TSPAN16: variants seen among roughly 807,000 people sequenced by gnomAD.
The protein encoded by TSPAN16 is tetraspanin-16.
A neutral mutation model predicts 25.2 loss-of-function variants in TSPAN16; 23 were observed. The ratio of observed to expected loss-of-function variants is 0.91; its 90% confidence interval spans 0.66 to 1.29. The LOEUF is 1.29. Among genes scored for constraint, TSPAN16 ranks in the 50% most tolerant of loss-of-function variants. The pLI is 0.00. For missense variants in TSPAN16, 272 were observed against 299.9 expected, an observed-to-expected ratio of 0.91 and a Z score of 0.69; for synonymous variants, 123 against 124.4, an observed-to-expected ratio of 0.99 and a Z score of 0.08.
chr19:11,324,757 G>A (rs951162732), intron 6 of TSPAN16: 1 of 152,698 alleles, frequency 6.5e-6, no homozygotes, highest in African/African-American at 2.4e-5. Context: ...CTGAAGCCGG[G>A]GGGTTGAGGG....
At chr19:11,299,314 G>A (rs76176514) in intron 3 of TSPAN16, among the ~76,000 whole-genome samples, 2,170 of 151,346 alleles carry the variant, frequency 0.014, 50 homozygotes, top group African/African-American at 0.049. Context: ...ATAGAAGTCC[G>A]CCCCTCCCCG....
intron 6 of TSPAN16, among the ~76,000 whole-genome samples, chr19:11,320,990 G>A (rs770965450): frequency 1.9e-4 from 29 of 152,168 alleles, no homozygotes; most frequent in Non-Finnish European, 3.1e-4. Context: ...CCAACGTGGT[G>A]AAACCCCGTC....
intron 4 of TSPAN16, among the ~76,000 whole-genome samples, chr19:11,304,433 C>T (rs2080603569): frequency 6.6e-6 from 1 of 151,668 alleles, no homozygotes; most frequent in African/African-American, 2.4e-5. Context: ...GGCACAACTT[C>T]CCAAGCTCAG....
downstream of TSPAN16, among the ~76,000 whole-genome samples, chr19:11,320,122 C>CTTTTTTTTTTTTTTTTT (rs373015307): frequency 8.4e-5 from 9 of 106,834 alleles, no homozygotes; most frequent in Non-Finnish European, 1.1e-4. Flanking sequence ...CCGGCCAGGA[C>CTTTTTTTTTTTTTTTTT]TTTTTTTTTT....
chr19:11,306,525 G>A (rs1189929467), intron 4 of TSPAN16, 79 bp from the exon 5 acceptor site: 11 of 1,549,202 alleles, frequency 7.1e-6, no homozygotes, highest in African/African-American at 6.8e-5. Flanking sequence ...CATACTAGAC[G>A]GTAGCCATGG....
chr19:11,305,621 C>A (rs553042366), intron 4 of TSPAN16, among the ~76,000 whole-genome samples: 3 of 152,206 alleles, frequency 2.0e-5, no homozygotes, highest in African/African-American at 4.8e-5. Flanking sequence ...AATCCTAGCA[C>A]TTTGGGAGGC....
intron 5 of TSPAN16, among the ~76,000 whole-genome samples, chr19:11,311,026 G>A (rs1005744916): frequency 2.0e-5 from 3 of 151,948 alleles, no homozygotes; most frequent in Non-Finnish European, 2.9e-5. Context: ...TTGTAGAGAC[G>A]GGGTTTCGCT....
chr19:11,316,118 G>GTGTGTGTGGA, downstream of TSPAN16: 1 of 106,066 alleles, frequency 9.4e-6, no homozygotes, highest in Non-Finnish European at 1.5e-5. Context: ...TGTGTGTGTG[G>GTGTGTGTGGA]TTTTTTTTTT....
intron 4 of TSPAN16, among the ~76,000 whole-genome samples, chr19:11,305,521 CTG>C (rs747502490): frequency 4.6e-4 from 70 of 150,862 alleles, no homozygotes; most frequent in Non-Finnish European, 8.7e-4. Context: ...CAGACAGAGA[CTG>C]TGTCTCAAAA....
chr19:11,325,301 G>A (rs886898714), intron 6 of TSPAN16: 5 of 753,862 alleles, frequency 6.6e-6, no homozygotes, highest in African/African-American at 1.8e-5. Flanking sequence ...GGAGGGAAGG[G>A]ATTGCCCTGA....
intron 5 of TSPAN16, among the ~76,000 whole-genome samples, chr19:11,310,137 C>G (rs771826059): frequency 1.3e-4 from 20 of 151,718 alleles, no homozygotes; most frequent in Admixed American, 2.6e-4. Context: ...AAAGGGGGCA[C>G]GGAACAGTGA....
chr19:11,310,056 G>A (rs2080673095), intron 5 of TSPAN16, among the ~76,000 whole-genome samples: 1 of 151,926 alleles, frequency 6.6e-6, no homozygotes, highest in Admixed American at 6.6e-5. Flanking sequence ...AGTGAGCTAT[G>A]GTCATGCCAC....
chr19:11,316,359 A>C (rs2080749639), downstream of TSPAN16, among the ~76,000 whole-genome samples: 1 of 151,994 alleles, frequency 6.6e-6, no homozygotes, highest in Non-Finnish European at 1.5e-5. Context: ...AGTTCAGGTG[A>C]TCCACCTGCC....
chr19:11,298,891 T>C lies in TSPAN16; in HGVS notation c.287T>C (p.Ile96Thr). The C allele has an allele frequency of 6.2e-7, 1 of 1,614,136 alleles. No homozygotes were observed. The highest frequency in any genetic ancestry group is 1.1e-5 in the South Asian group (1 of 91,082). ...TLLFCILSMV[I>T]VLIMEVTAAT... is the part of the protein sequence containing the mutation. ...TTTTAGTGCATCCTGTCAATGGTTA[T>C]TGTCCTCATCATGGAAGTTACAGCT... Residue 96 changes from isoleucine to threonine, a missense_variant, in exon 3 of 7, where the codon ATT becomes ACT. Transcript: ENST00000590327.
intron 4 of TSPAN16, among the ~76,000 whole-genome samples, chr19:11,302,974 A>AG (rs1405837377): frequency 7.0e-6 from 1 of 143,472 alleles, no homozygotes; most frequent in Non-Finnish European, 1.5e-5. Context: ...CCCGTCCGGG[A>AG]GGTGAGGGGC....
chr19:11,311,833 C>T (rs1052101383), intron 5 of TSPAN16, among the ~76,000 whole-genome samples: 4 of 152,126 alleles, frequency 2.6e-5, no homozygotes, highest in African/African-American at 4.8e-5. Flanking sequence ...CAAGGTCACA[C>T]AGCTAGTAAT....
At chr19:11,319,326 G>T (rs778472197), downstream of TSPAN16, among the ~76,000 whole-genome samples, 15 of 152,272 alleles carry the variant, frequency 9.9e-5, no homozygotes, top group Non-Finnish European at 1.8e-4. Context: ...CAGGCCAGGC[G>T]CAGTGGCTTA....
intron 4 of TSPAN16, among the ~76,000 whole-genome samples, chr19:11,302,613 A>ATGTATAT (rs1158949828): frequency 6.9e-6 from 1 of 145,404 alleles, no homozygotes; most frequent in African/African-American, 2.5e-5. Flanking sequence ...TTATATACAT[A>ATGTATAT]TGTATATAAA....
intron 4 of TSPAN16, among the ~76,000 whole-genome samples, chr19:11,303,156 T>G (rs56911953): frequency 3.4e-5 from 5 of 147,920 alleles, no homozygotes; most frequent in Non-Finnish European, 5.9e-5. Context: ...CGGATGGTTG[T>G]CGTGTCTGTG....
Sources: allele counts gnomAD v4.1 joint callset (sites outside exome capture counted in the v4.1 genomes callset), GRCh38; gene constraint gnomAD v4.1.1; transcripts MANE v1.5; gene names NCBI Gene and HGNC (gene_info 2026-07-23, HGNC 2026-07-21).